The following RHOBTB1 variants were observed in gnomAD, a reference collection of about 807,000 sequenced individuals.
The protein encoded by RHOBTB1 is rho-related BTB domain-containing protein 1.
A neutral mutation model predicts 71.6 loss-of-function variants in RHOBTB1; 40 were observed. The ratio of observed to expected loss-of-function variants is 0.56; its 90% CI spans 0.43 to 0.73. The LOEUF is 0.73. RHOBTB1 is among the 30% of genes least tolerant of loss of function. The pLI is 0.00. For synonymous variants in RHOBTB1, 319 were observed against 334.9 expected (o/e 0.95, Z 0.52); for missense variants, 797 against 894.0 (o/e 0.89, Z 1.38).
Position 60,910,892 on chromosome 10 carries a change from A to G in RHOBTB1, c.291T>C (p.Tyr97=). Residue 97 remains tyrosine (Y), a synonymous_variant, in exon 4 of 11, where the codon TAT becomes TAC. Transcript: ENST00000337910. The stretch of plus-strand genomic sequence containing the variant: ...CTGTACTAGTCTTGGTTTACCTGCC[A>G]TATGCAAAGCGTCTGTCTTTGTGAT... ...GDHHKDRRFA[Y]GRSDVVVLCF... is the part of the protein sequence containing the mutation. The G allele has an allele frequency of 1.2e-6, 2 of 1,612,688 alleles. No homozygotes were observed. Among genetic ancestry groups the G allele is most frequent in the Non-Finnish European group, 1.7e-6 (2 of 1,178,682 alleles).
chr10:60,999,122 G>A (rs1355244296), intron 1 of RHOBTB1, among the ~76,000 whole-genome samples: 3 of 152,130 alleles, frequency 2.0e-5, no homozygotes, highest in Non-Finnish European at 4.4e-5. Context: ...CCAACTTGTT[G>A]TCAAATCAAG....
intron 5 of RHOBTB1, among the ~76,000 whole-genome samples, chr10:60,892,490 A>G (rs2081970793): frequency 6.6e-6 from 1 of 152,242 alleles, no homozygotes; most frequent in African/African-American, 2.4e-5. Context: ...TTCAAGGATG[A>G]CATTATTATG....
At chr10:60,975,257 G>A (rs190662785) in intron 2 of RHOBTB1, among the ~76,000 whole-genome samples, 6 of 152,066 alleles carry the variant, frequency 3.9e-5, no homozygotes, top group Admixed American at 2.0e-4. Context: ...TGTGTAAATG[G>A]CTGGTGTTTT....
intron 2 of RHOBTB1, among the ~76,000 whole-genome samples, chr10:60,938,453 T>G (rs944706341): frequency 2.6e-5 from 4 of 152,168 alleles, no homozygotes; most frequent in African/African-American, 9.7e-5. Context: ...GTGTTTTCCA[T>G]CCACATGAGG....
At chr10:60,900,524 C>T (rs946667349) in intron 4 of RHOBTB1, among the ~76,000 whole-genome samples, 1 of 152,188 alleles carries the variant, frequency 6.6e-6, no homozygotes, top group South Asian at 2.1e-4. Context: ...ATGTAGCTGT[C>T]TTTTCCACCG....
At chr10:60,945,906 C>T (rs192085562), upstream of RHOBTB1, among the ~76,000 whole-genome samples, 644 of 152,196 alleles carry the variant, frequency 4.2e-3, 1 homozygote, top group Non-Finnish European at 7.1e-3. Flanking sequence ...CCGGCCCAGG[C>T]GGGTGGCTCA....
chr10:60,902,629 AGT>A (rs1404806917), intron 4 of RHOBTB1, among the ~76,000 whole-genome samples: 6 of 152,186 alleles, frequency 3.9e-5, no homozygotes, highest in African/African-American at 1.4e-4. Context: ...GGTGTGGCTG[AGT>A]GTAACTCTCT....
intron 6 of RHOBTB1, among the ~76,000 whole-genome samples, chr10:60,887,086 A>C (rs2081623342): frequency 6.6e-6 from 1 of 151,968 alleles, no homozygotes; most frequent in Non-Finnish European, 1.5e-5. Context: ...AAAAAAAAAA[A>C]AACAGAATCC....
intron 6 of RHOBTB1, among the ~76,000 whole-genome samples, chr10:60,886,879 CT>C (rs1216746070): frequency 0.018 from 2,529 of 143,532 alleles, 54 homozygotes; most frequent in African/African-American, 0.054. Flanking sequence ...TGTGTATAGA[CT>C]TTTTTTTTTT....
intron 9 of RHOBTB1, among the ~76,000 whole-genome samples, chr10:60,873,979 C>T (rs2080924658): frequency 6.6e-6 from 1 of 152,214 alleles, no homozygotes. Context: ...TCCGCCTTTT[C>T]CCCCTTTTGC....
chr10:60,868,678 TTG>T (rs2080654683), downstream of RHOBTB1, among the ~76,000 whole-genome samples: 1 of 152,154 alleles, frequency 6.6e-6, no homozygotes, highest in Admixed American at 6.5e-5. Context: ...TTTGCTGAAG[TTG>T]TATAAAAGAA....
At position 60,904,788 on chromosome 10, in the gene RHOBTB1, G is replaced by A. The variant is rs143435198; in HGVS notation, c.296+6099C>T. Among the ~76,000 whole-genome samples the A allele has an allele frequency of 1.9e-4, 29 of 152,252 alleles. No homozygotes were observed. The East Asian group carries it at 3.1e-3, about 16-fold the overall frequency. On this transcript the variant is annotated intron_variant, in intron 4 of 10. Transcript: ENST00000337910. ...AACAGTTTTAACCTAACCTCTTAGGGAACAACTATTTCTATCTCTTGGTTC... is the reference window on the plus strand; with the variant it reads ...AACAGTTTTAACCTAACCTCTTAGGAAACAACTATTTCTATCTCTTGGTTC...
chr10:60,904,104 T>A (rs2082543213), intron 4 of RHOBTB1, among the ~76,000 whole-genome samples: 1 of 151,720 alleles, frequency 6.6e-6, no homozygotes, highest in Non-Finnish European at 1.5e-5. Flanking sequence ...CCACAACACC[T>A]GGCTAATTTT....
intron 7 of RHOBTB1, among the ~76,000 whole-genome samples, chr10:60,878,853 A>C (rs1341192467): frequency 6.6e-6 from 1 of 152,210 alleles, no homozygotes; most frequent in African/African-American, 2.4e-5. Flanking sequence ...ATTAATGGAG[A>C]TGTACACTGC....
chr10:60,951,424 A>G lies in RHOBTB1; in HGVS notation c.-61-9570T>C, dbSNP rs776800627. Among the ~76,000 whole-genome samples, 113 of 152,328 alleles carry G rather than the reference A, an allele frequency of 7.4e-4. 1 individual carries two copies. Among genetic ancestry groups the G allele is most frequent in the Middle Eastern group, 3.4e-3 (1 of 294 alleles). On this transcript the variant is annotated intron_variant, in intron 2 of 11. Coordinates refer to the RHOBTB1 transcript ENST00000357917. ...CTGCACACAATTTCAGAGTATCCTT[A>G]GCTCTGTAAATATTTATGCCTACTT...
chr10:60,864,654 T>C (rs568387418), downstream of RHOBTB1, among the ~76,000 whole-genome samples: 1 of 152,186 alleles, frequency 6.6e-6, no homozygotes, highest in Non-Finnish European at 1.5e-5. Flanking sequence ...TCTCTAAGAG[T>C]TAAAAATTTC....
At chr10:60,949,669 T>A (rs1486847299) in intron 2 of RHOBTB1, among the ~76,000 whole-genome samples, 2 of 131,236 alleles carry the variant, frequency 1.5e-5, no homozygotes, top group African/African-American at 5.8e-5. Flanking sequence ...TGAAGCTTTT[T>A]TTTTTTTTTT....
At chr10:60,924,602 C>G (rs1389330965) in intron 2 of RHOBTB1, among the ~76,000 whole-genome samples, 1 of 151,948 alleles carries the variant, frequency 6.6e-6, no homozygotes, top group Non-Finnish European at 1.5e-5. Context: ...GACAGAAAAC[C>G]AAGAAAAAAA....
chr10:60,880,198 T>TGAGA (rs1338401724), intron 7 of RHOBTB1, among the ~76,000 whole-genome samples: 2 of 140,702 alleles, frequency 1.4e-5, no homozygotes, highest in Admixed American at 7.0e-5. Flanking sequence ...TGTGTGTGTG[T>TGAGA]GTGTGAGAGA....
Sources: gnomAD v4.1 joint callset for allele counts (sites outside exome capture counted in the v4.1 genomes callset) on GRCh38, gnomAD v4.1.1 for gene constraint, MANE v1.5 for transcripts, NCBI Gene and HGNC (gene_info 2026-07-23, HGNC 2026-07-21) for gene names.